The following CA10 variants were observed in gnomAD, a reference collection of about 807,000 sequenced individuals.
CA10 encodes carbonic anhydrase-related protein 10.
In CA10, 14 loss-of-function variants were observed where a neutral mutation model predicts 44.2. The ratio of observed to expected loss-of-function variants is 0.32; its 90% CI spans 0.21 to 0.50. The LOEUF (loss-of-function observed/expected upper bound fraction) is 0.50, where lower values mean the gene tolerates loss of function less well. Ranked by LOEUF, CA10 falls within the 20% of genes least tolerant of loss-of-function variation. The pLI is 0.99. For synonymous variants in CA10, 159 were observed against 141.6 expected (o/e 1.12, Z -0.87); for missense variants, 350 against 409.7 (o/e 0.85, Z 1.26).
At chr17:52,139,037 T>C (rs185797742) in intron 1 of CA10, among the ~76,000 whole-genome samples, 13 of 152,262 alleles carry the variant, frequency 8.5e-5, no homozygotes, top group Admixed American at 6.5e-4. Context: ...CCTGAAGAAA[T>C]GGAATGCAAT....
At chr17:51,698,814 T>C (rs1002094590) in intron 4 of CA10, among the ~76,000 whole-genome samples, 2 of 152,234 alleles carry the variant, frequency 1.3e-5, no homozygotes, top group African/African-American at 4.8e-5. Context: ...TAGTATTTGC[T>C]TTTCTGTGCC....
chr17:51,947,812 C>T (rs1193585776), intron 2 of CA10, among the ~76,000 whole-genome samples: 1 of 152,008 alleles, frequency 6.6e-6, no homozygotes, highest in Admixed American at 6.6e-5. Flanking sequence ...CACTATCAAA[C>T]ACTTCTGCTT....
intron 2 of CA10, among the ~76,000 whole-genome samples, chr17:52,062,690 C>T (rs1294271812): frequency 1.3e-5 from 2 of 152,330 alleles, no homozygotes; most frequent in East Asian, 1.9e-4. Context: ...TAAATCTCAG[C>T]AGCATCCACT....
chr17:51,671,007 G>A (rs1053348192), intron 4 of CA10, among the ~76,000 whole-genome samples: 5 of 152,170 alleles, frequency 3.3e-5, no homozygotes, highest in African/African-American at 1.2e-4. Context: ...CTAAATAAAT[G>A]AACCCCTGTG....
chr17:51,882,483 A>G (rs1432267576), intron 3 of CA10, among the ~76,000 whole-genome samples: 1 of 152,210 alleles, frequency 6.6e-6, no homozygotes, highest in Non-Finnish European at 1.5e-5. Flanking sequence ...ATGGCAATCC[A>G]TCTTCCAGAT....
chr17:52,070,781 CAG>C (rs1431977659), intron 2 of CA10, among the ~76,000 whole-genome samples: 4 of 152,054 alleles, frequency 2.6e-5, no homozygotes, highest in Non-Finnish European at 5.9e-5. Context: ...AATGTGACAA[CAG>C]AGAAAAAAAC....
At chr17:51,724,198 C>T (rs866800044) in intron 4 of CA10, among the ~76,000 whole-genome samples, 2 of 152,182 alleles carry the variant, frequency 1.3e-5, no homozygotes, top group Non-Finnish European at 2.9e-5. Flanking sequence ...TGCAGAGTGG[C>T]AGACACACCC....
intron 7 of CA10, among the ~76,000 whole-genome samples, chr17:51,634,206 G>A (rs1912721751): frequency 1.3e-5 from 2 of 152,216 alleles, no homozygotes; most frequent in South Asian, 4.1e-4. Flanking sequence ...GTGAGAAGAG[G>A]ACAACAGAGA....
intron 1 of CA10, among the ~76,000 whole-genome samples, chr17:52,104,874 T>A (rs1206282016): frequency 6.6e-6 from 1 of 152,142 alleles, no homozygotes; most frequent in Non-Finnish European, 1.5e-5. Flanking sequence ...TCCCAGTAGG[T>A]TAGATAAAGC....
chr17:52,148,831 C>A (rs1002358496), intron 1 of CA10, among the ~76,000 whole-genome samples: 8 of 152,188 alleles, frequency 5.3e-5, no homozygotes, highest in Admixed American at 2.0e-4. Context: ...GTTTTTTTTA[C>A]TACATTTTAT....
At chr17:51,787,595 A>G (rs1351784932) in intron 3 of CA10, among the ~76,000 whole-genome samples, 1 of 151,540 alleles carries the variant, frequency 6.6e-6, no homozygotes, top group Non-Finnish European at 1.5e-5. Context: ...GGCTCAAGTG[A>G]TTCTCCTGCC....
intron 2 of CA10, among the ~76,000 whole-genome samples, chr17:51,962,572 A>G (rs1370179672): frequency 2.0e-5 from 3 of 152,220 alleles, no homozygotes; most frequent in African/African-American, 4.8e-5. Context: ...CTTACCCATA[A>G]GTACCATCTA....
intron 1 of CA10, among the ~76,000 whole-genome samples, chr17:52,079,993 C>T (rs1453155005): frequency 6.6e-6 from 1 of 152,184 alleles, no homozygotes; most frequent in Admixed American, 6.5e-5. Context: ...GACAAAGTGA[C>T]TATTTCCAAA....
At chr17:51,751,500 T>C (rs1241542594) in intron 3 of CA10, among the ~76,000 whole-genome samples, 1 of 152,254 alleles carries the variant, frequency 6.6e-6, no homozygotes, top group Admixed American at 6.5e-5. Context: ...AACTAATATA[T>C]GTGATGGTCA....
intron 3 of CA10, among the ~76,000 whole-genome samples, chr17:51,832,444 A>T (rs1317193836): frequency 6.6e-6 from 1 of 152,232 alleles, no homozygotes; most frequent in East Asian, 1.9e-4. Context: ...GTTGCAAAAC[A>T]ATGTTATGTG....
chr17:51,769,353 C>G (rs8067436), intron 3 of CA10, among the ~76,000 whole-genome samples: 63,021 of 151,888 alleles, frequency 0.41, 13,432 homozygotes, highest in East Asian at 0.58. Context: ...AAAAGAGAGA[C>G]TCATCTCTCT....
intron 3 of CA10, among the ~76,000 whole-genome samples, chr17:51,858,511 A>C (rs1979153402): frequency 6.6e-6 from 1 of 152,206 alleles, no homozygotes; most frequent in Non-Finnish European, 1.5e-5. Context: ...TCATTTCATT[A>C]TACACACTCC....
intron 2 of CA10, among the ~76,000 whole-genome samples, chr17:52,031,739 A>G (rs1030243368): frequency 1.3e-5 from 2 of 152,198 alleles, no homozygotes; most frequent in African/African-American, 2.4e-5. Flanking sequence ...TGGTGATGCC[A>G]TGTGTTTAAT....
At chr17:51,828,494 G>A (rs1425806477) in intron 3 of CA10, among the ~76,000 whole-genome samples, 1 of 152,062 alleles carries the variant, frequency 6.6e-6, no homozygotes, top group Non-Finnish European at 1.5e-5. Context: ...TACTCTTAAT[G>A]TTTTATGTGG....
Sources: allele counts gnomAD v4.1 joint callset (sites outside exome capture counted in the v4.1 genomes callset), GRCh38; gene constraint gnomAD v4.1.1; transcripts MANE v1.5; gene names NCBI Gene and HGNC (gene_info 2026-07-23, HGNC 2026-07-21).